The following PEBP4 variants were observed in gnomAD, a reference collection of about 807,000 sequenced individuals.
PEBP4 encodes the protein phosphatidylethanolamine binding protein 4.
A neutral mutation model predicts 23.9 loss-of-function variants in PEBP4; 22 were observed. That is an observed-to-expected ratio of 0.92 (90% CI 0.66 to 1.31). The LOEUF is 1.31. PEBP4 is among the 40% of genes most tolerant of loss of function. The pLI is 0.00. For synonymous variants in PEBP4, 112 were observed against 99.3 expected, an observed-to-expected ratio of 1.13 and a Z score of -0.76; for missense variants, 324 against 281.7, an observed-to-expected ratio of 1.15 and a Z score of -1.07.
chr8:22,804,623 C>T (rs1254977325), intron 4 of PEBP4, among the ~76,000 whole-genome samples: 1 of 152,132 alleles, frequency 6.6e-6, no homozygotes. Flanking sequence ...AAACTTTACA[C>T]CCGTTGAACA....
In PEBP4 at chr8:22,919,212, G is replaced by GGGAA. The variant is rs147690865; in HGVS notation, c.258+968_258+971dup. Among the ~76,000 whole-genome samples, 598 of 152,286 alleles carry GGGAA rather than the reference G, an allele frequency of 3.9e-3. 2 individuals are homozygous for GGGAA. The highest frequency in any genetic ancestry group is 0.013 in the African/African-American group (540 of 41,550). On this transcript the variant is annotated intron_variant, in intron 3 of 6. Transcript: ENST00000256404. Reference sequence around the variant, plus strand: ...GAGGCCTAACCAAGGCAGCACTGAGGGGAAGGAAGAACCCCTTGTGGCCCT... The same window carrying GGGAA: ...GAGGCCTAACCAAGGCAGCACTGAGGGGAAGGAAGGAAGAACCCCTTGTGGCCCT...
intron 6 of PEBP4, among the ~76,000 whole-genome samples, chr8:22,719,377 G>A (rs1804476752): frequency 6.6e-6 from 1 of 152,190 alleles, no homozygotes; most frequent in Admixed American, 6.5e-5. Flanking sequence ...AGAGGAGTGT[G>A]AGGCTGGCTT....
intron 3 of PEBP4, among the ~76,000 whole-genome samples, chr8:22,837,890 C>CTTTTTTTTTTTTTTTTTTTTTTTTTT (rs746772591): frequency 1.5e-5 from 1 of 64,552 alleles, no homozygotes; most frequent in Non-Finnish European, 2.7e-5. Context: ...TTATTATATT[C>CTTTTTTTTTTTTTTTTTTTTTTTTTT]TTTTTTTTTT....
At chr8:22,867,217 A>G (rs1297397105) in intron 3 of PEBP4, among the ~76,000 whole-genome samples, 3 of 152,114 alleles carry the variant, frequency 2.0e-5, no homozygotes, top group African/African-American at 7.2e-5. Flanking sequence ...ATCTTTTTCT[A>G]TCTTTGGAGG....
At chr8:22,748,624 G>T (rs2128751399) in intron 4 of PEBP4, among the ~76,000 whole-genome samples, 1 of 151,882 alleles carries the variant, frequency 6.6e-6, no homozygotes, top group African/African-American at 2.4e-5. Flanking sequence ...CAAGGAGGGG[G>T]TGTGACTCAG....
chr8:22,801,551 A>G (rs527999627), intron 4 of PEBP4, among the ~76,000 whole-genome samples: 2 of 152,214 alleles, frequency 1.3e-5, no homozygotes, highest in South Asian at 4.1e-4. Flanking sequence ...AGCGTCAGGG[A>G]CCCTGGCCTC....
intron 3 of PEBP4, among the ~76,000 whole-genome samples, chr8:22,842,324 G>A (rs10283085): frequency 0.024 from 3,582 of 152,288 alleles, 145 homozygotes; most frequent in African/African-American, 0.082. Flanking sequence ...TGAGAGCAGA[G>A]AGGAGAACTG....
intron 6 of PEBP4, among the ~76,000 whole-genome samples, chr8:22,723,150 G>A (rs1320494154): frequency 6.6e-6 from 1 of 152,096 alleles, no homozygotes; most frequent in Non-Finnish European, 1.5e-5. Context: ...CAAAAGGTGG[G>A]TCAAGGGGTG....
chr8:22,713,545 A>G lies in PEBP4; in HGVS notation c.518-9T>C, dbSNP rs371140791. ...GTCCATTTTCCAAGAGCCTGGAAGG[A>G]CAAACAGACCACAGGGAGGCAGTGA... On this transcript the variant is annotated splice_polypyrimidine_tract_variant and intron_variant, in intron 6 of 6. Transcript: ENST00000256404. 1.5e-5 allele frequency: 24 copies of G among 1,614,036 alleles called. No homozygotes were observed. Among genetic ancestry groups the G allele is most frequent in the Non-Finnish European group, 1.9e-5 (23 of 1,180,028 alleles).
At chr8:22,713,615 G>C in intron 6 of PEBP4, 79 bp from the exon 7 acceptor site, 17 of 1,590,642 alleles carry the variant, frequency 1.1e-5, no homozygotes, top group Non-Finnish European at 1.3e-5. Context: ...TGAGAGGGAG[G>C]CCGGCTCGTG....
Position 22,767,754 on chromosome 8 carries a change from A to G in PEBP4, c.358-40534T>C, listed in dbSNP as rs113638624. Among the ~76,000 whole-genome samples, 491 of 152,176 alleles carry G rather than the reference A, an allele frequency of 3.2e-3. 5 individuals carry two copies. Among genetic ancestry groups the G allele is most frequent in the African/African-American group, 0.011 (470 of 41,514 alleles). On this transcript the variant is annotated intron_variant, in intron 4 of 6. Coordinates refer to ENST00000256404, the MANE Select transcript of PEBP4 (RefSeq NM_144962.3). The stretch of plus-strand genomic sequence containing the variant: ...GTACTTGATGTATGTACTTGTAACT[A>G]CATAGTTTTTTCTTTTTTGAGATGG...
In PEBP4 at chr8:22,860,166, A is replaced by AAG. The variant is rs1344974479; in HGVS notation, c.259-42432_259-42431insCT. On this transcript the variant is annotated intron_variant, in intron 3 of 6. Transcript: ENST00000256404. ...AAAAAAATTATATATACACATATATATGTATATATATATACACATATATAT... is the reference window on the plus strand; with the variant it reads ...AAAAAAATTATATATACACATATATAAGTGTATATATATATACACATATATAT... Among the ~76,000 whole-genome samples, 7 of 125,298 alleles carry AAG rather than the reference A, an allele frequency of 5.6e-5. 1 individual carries two copies. The highest frequency in any genetic ancestry group is 2.0e-4 in the African/African-American group (7 of 35,044). The allele number at this position is 125,298 out of a possible 152,430, so 82.2% of individuals were successfully genotyped here. A position where few individuals can be genotyped will look rare whatever the true frequency, so the allele number is the denominator to read the frequency against.
intron 4 of PEBP4, among the ~76,000 whole-genome samples, chr8:22,808,592 G>A (rs576691058): frequency 2.0e-5 from 3 of 152,360 alleles, no homozygotes; most frequent in Admixed American, 2.0e-4. Context: ...AACTCAGTCT[G>A]GGGGTGGTAG....
intron 2 of PEBP4, among the ~76,000 whole-genome samples, chr8:22,926,328 G>C (rs537788991): frequency 2.6e-5 from 4 of 152,054 alleles, no homozygotes; most frequent in African/African-American, 9.6e-5. Context: ...CACGAACAAA[G>C]TTTGTTACTT....
chr8:22,787,772 T>C (rs1806055148), intron 4 of PEBP4, among the ~76,000 whole-genome samples: 1 of 152,132 alleles, frequency 6.6e-6, no homozygotes, highest in Non-Finnish European at 1.5e-5. Context: ...AGTTCCCTGA[T>C]GGGGAATGTG....
chr8:22,788,689 T>C (rs545349813), intron 4 of PEBP4, among the ~76,000 whole-genome samples: 1 of 152,374 alleles, frequency 6.6e-6, no homozygotes, highest in East Asian at 1.9e-4. Flanking sequence ...TCTAAATTGA[T>C]ACAAGGATTC....
chr8:22,913,200 C>T (rs1441155910), intron 3 of PEBP4, among the ~76,000 whole-genome samples: 1 of 152,150 alleles, frequency 6.6e-6, no homozygotes, highest in African/African-American at 2.4e-5. Context: ...CTGGTGATCT[C>T]CCCAGGGTGG....
chr8:22,835,808 C>T (rs565285109), intron 3 of PEBP4, among the ~76,000 whole-genome samples: 8 of 152,340 alleles, frequency 5.3e-5, no homozygotes, highest in African/African-American at 9.6e-5. Context: ...GTCCTGCTTG[C>T]GCATGGCAAC....
At chr8:22,777,488 A>G (rs1805836177) in intron 4 of PEBP4, among the ~76,000 whole-genome samples, 1 of 152,164 alleles carries the variant, frequency 6.6e-6, no homozygotes, top group African/African-American at 2.4e-5. Context: ...GAGGAGAGGC[A>G]GGCCCTGAAG....
Sources: gnomAD v4.1 joint callset for allele counts (sites outside exome capture counted in the v4.1 genomes callset) on GRCh38, gnomAD v4.1.1 for gene constraint, MANE v1.5 for transcripts, NCBI Gene and HGNC (gene_info 2026-07-23, HGNC 2026-07-21) for gene names.